KCNH4: variants seen among roughly 807,000 people sequenced by gnomAD.
The protein encoded by KCNH4 is voltage-gated delayed rectifier potassium channel KCNH4.
In KCNH4, 33 loss-of-function variants were observed where a neutral mutation model predicts 90.7. The observed-to-expected ratio is 0.36, with a 90% CI of 0.28 to 0.49. The LOEUF (loss-of-function observed/expected upper bound fraction) is 0.49. Ranked by LOEUF, KCNH4 falls within the 20% of genes least tolerant of loss-of-function variation. The pLI, the probability that KCNH4 is intolerant of heterozygous loss-of-function variation, is 0.98. For missense variants in KCNH4, 1,044 were observed against 1,387.1 expected (o/e 0.75, Z 3.93); for synonymous variants, 551 against 581.7 (o/e 0.95, Z 0.76).
chr17:42,166,699 T>C (rs1161016617), intron 9 of KCNH4, among the ~76,000 whole-genome samples, 153 bp from the exon 10 acceptor site: 1 of 152,148 alleles, frequency 6.6e-6, no homozygotes, highest in African/African-American at 2.4e-5. Flanking sequence ...GTGTCTAACC[T>C]CAATTTTGCT....
chr17:42,159,797 C>A lies in KCNH4; in HGVS notation c.*243G>T. 2.6e-6 allele frequency: 1 copy of A among 388,758 alleles called. No homozygotes were observed. Among genetic ancestry groups the A allele is most frequent in the Non-Finnish European group, 4.6e-6 (1 of 218,788 alleles). The allele number at this position is 388,758 out of a possible 1,614,324, so 24.1% of individuals were successfully genotyped here. Reference sequence around the variant, plus strand: ...CAGCCCAATGGGCACTGCGGTTCATCTCATGCCTGCTGGGTTCCACAGCCC... The same window carrying A: ...CAGCCCAATGGGCACTGCGGTTCATATCATGCCTGCTGGGTTCCACAGCCC... On this transcript the variant is annotated 3_prime_UTR_variant, in exon 16 of 17. Coordinates refer to ENST00000264661, the MANE Select transcript of KCNH4 (RefSeq NM_012285.3).
rs2079759903 is a variant in KCNH4, at chr17:42,163,094, TG to T, written c.2584+133del. On this transcript the variant is annotated intron_variant, in intron 14 of 16. Transcript: ENST00000264661. This position sits in a 1 kb window ranked among gnomAD's most constrained non-coding sequence, Gnocchi z 5.4. ...CCCTGCTAGACTTACTCCAAGAGCG[TG>T]GGCCAGGTCTGTTTTATCTGTGTAT... is the stretch of plus-strand genomic sequence containing the variant. 2 of 681,676 alleles carry T rather than the reference TG, an allele frequency of 2.9e-6. No individual in the cohort carries two copies. The highest frequency in any genetic ancestry group is 3.5e-5 in the African/African-American group (2 of 56,446). The allele number at this position is 681,676 out of a possible 1,614,324, so 42.2% of individuals were successfully genotyped here. A position where few individuals can be genotyped will look rare whatever the true frequency, so the allele number is the denominator to read the frequency against.
In KCNH4 at chr17:42,179,041, G is replaced by A. The variant is rs778472470; in HGVS notation, c.77-15C>T. The A allele has an allele frequency of 4.1e-5, 65 of 1,604,184 alleles. No homozygotes were observed. The Admixed American group carries it at 1.1e-3, about 26-fold the overall frequency. On this transcript the variant is annotated splice_polypyrimidine_tract_variant and intron_variant, in intron 1 of 16. Transcript: ENST00000264661. Reference sequence around the variant, plus strand: ...GAAGTTGCTGTCTGTGGGAAGAAGAGGTCAAGGTCAGGTCAAGGCTGGGAG... The same window carrying A: ...GAAGTTGCTGTCTGTGGGAAGAAGAAGTCAAGGTCAGGTCAAGGCTGGGAG...
Position 42,163,179 on chromosome 17 carries a change from G to GT in KCNH4, c.2584+48dup. On this transcript the variant is annotated intron_variant, in intron 14 of 16. Transcript: ENST00000264661. This position sits in a 1 kb window ranked among gnomAD's most constrained non-coding sequence, Gnocchi z 5.4. ...TACTACATATGGGATGGATGGACAGGTGGATGGGCAGATGGATGACGGGGT... is the reference window on the plus strand; with the variant it reads ...TACTACATATGGGATGGATGGACAGGTTGGATGGGCAGATGGATGACGGGGT... 7.9e-7 allele frequency: 1 copy of GT among 1,270,524 alleles called. No individual in the cohort carries two copies. Among genetic ancestry groups the GT allele is most frequent in the Non-Finnish European group, 1.2e-6 (1 of 866,980 alleles). The allele number at this position is 1,270,524 out of a possible 1,614,324, so 78.7% of individuals were successfully genotyped here. A position where few individuals can be genotyped will look rare whatever the true frequency, so the allele number is the denominator to read the frequency against.
chr17:42,168,856 C>G (rs2079806208), intron 9 of KCNH4, among the ~76,000 whole-genome samples: 1 of 151,548 alleles, frequency 6.6e-6, no homozygotes, highest in African/African-American at 2.4e-5. Flanking sequence ...ACTGCAAGCT[C>G]CGCCTCCCGG....
At chr17:42,169,432 G>A in intron 9 of KCNH4, 45 bp downstream of exon 9, 1 of 1,577,336 alleles carries the variant, frequency 6.3e-7, no homozygotes, top group Non-Finnish European at 8.7e-7. Flanking sequence ...CCCACTGCAG[G>A]GCCACGCGGA....
intron 6 of KCNH4, among the ~76,000 whole-genome samples, chr17:42,172,856 A>AC (rs1376570487): frequency 1.3e-5 from 2 of 151,136 alleles, no homozygotes; most frequent in East Asian, 1.9e-4. Flanking sequence ...TGTGATGGGG[A>AC]CCCCCCTTTA....
chr17:42,158,372 T>A (rs1320384741), intron 16 of KCNH4, among the ~76,000 whole-genome samples: 9 of 145,124 alleles, frequency 6.2e-5, no homozygotes, highest in African/African-American at 2.3e-4. Flanking sequence ...CTACTAAAGA[T>A]ACAAAAAAAT....
rs767119666 is a variant in KCNH4, at chr17:42,178,503, A to G, written c.311-26T>C. On this transcript the variant is annotated intron_variant, in intron 2 of 16. Transcript: ENST00000264661. The stretch of plus-strand genomic sequence containing the variant: ...CTGTAGGCATGGAGAGAGGGAAGGG[A>G]GGAGCATGGGCAGCCCCATGGCATG... 7.4e-6 allele frequency: 12 copies of G among 1,613,304 alleles called. No homozygotes were observed. The East Asian group carries it at 2.7e-4, about 36-fold the overall frequency.
chr17:42,172,394 G>A (rs1365623712), intron 6 of KCNH4, among the ~76,000 whole-genome samples: 22 of 151,802 alleles, frequency 1.4e-4, no homozygotes, highest in Admixed American at 1.4e-3. Flanking sequence ...GGATGGTCTC[G>A]ATCTCCTGAC....
Position 42,160,212 on chromosome 17 carries a change from C to A in KCNH4, c.2882G>T (p.Ser961Ile). Reference sequence around the variant, plus strand: ...AGTCCCTGTCTCCATGGTCCCCACACTGGCTGGGCAGTGAACTTCAGCAAG... The same window carrying A: ...AGTCCCTGTCTCCATGGTCCCCACAATGGCTGGGCAGTGAACTTCAGCAAG... ...TTLAEVHCPA[S>I]VGTMETGTAL... Residue 961 changes from serine (S) to isoleucine (I), a missense_variant, in exon 16 of 17, where the codon AGT (serine) becomes ATT (isoleucine). Transcript: ENST00000264661. 1.9e-6 allele frequency: 3 copies of A among 1,613,986 alleles called. No homozygotes were observed. Among genetic ancestry groups the A allele is most frequent in the Non-Finnish European group, 1.7e-6 (2 of 1,179,886 alleles).
intron 14 of KCNH4, 96 bp from the exon 15 acceptor site, chr17:42,162,417 CAGGGGGAG>C: frequency 9.9e-7 from 1 of 1,012,118 alleles, no homozygotes; most frequent in Non-Finnish European, 1.5e-6. Flanking sequence ...AGGCGGAGAG[CAGGGGGAG>C]ACAAAGCTCT....
At position 42,160,045 on chromosome 17, in the gene KCNH4, G is replaced by C. The variant is rs192357247; in HGVS notation, c.3049C>G (p.His1017Asp). The change falls in exon 16 of 17, where the codon CAC (histidine) becomes GAC (aspartate). Residue 1017 changes from histidine to aspartate, a missense_variant. By Grantham distance (81) the His-to-Asp change is moderately conservative (BLOSUM62 -1). Coordinates refer to ENST00000264661, the MANE Select transcript of KCNH4 (RefSeq NM_012285.3). Reference protein sequence around the residue: ...HSFQSRSDTFH With the variant: ...HSFQSRSDTFD ...GCCTGGGCCCTGGGCCAGGGTCAGTGGAACGTGTCTGACCTGGACTGGAAA... is the reference window on the plus strand; with the variant it reads ...GCCTGGGCCCTGGGCCAGGGTCAGTCGAACGTGTCTGACCTGGACTGGAAA... 1 of 1,519,398 alleles carries C rather than the reference G, an allele frequency of 6.6e-7. No individual in the cohort carries two copies. The highest frequency in any genetic ancestry group is 1.3e-5 in the South Asian group (1 of 76,032). The allele number at this position is 1,519,398 out of a possible 1,614,324, so 94.1% of individuals were successfully genotyped here.
chr17:42,178,921 A>T lies in KCNH4; in HGVS notation c.182T>A (p.Met61Lys). ...GAAACGGCAGCTGCAGGTCTTCTGC[A>T]TGACCTCGGTGCGACCGTAGCCTGT... ...ELTGYGRTEV[M>K]QKTCSCRFLY... Residue 61 changes from methionine (M) to lysine (K), a missense_variant, in exon 2 of 17, where the codon ATG becomes AAG. Physicochemically the swap from Met to Lys is moderately conservative, Grantham distance 95 (BLOSUM62 -1). Coordinates refer to ENST00000264661, the MANE Select transcript of KCNH4 (RefSeq NM_012285.3). 6.2e-7 allele frequency: 1 copy of T among 1,614,220 alleles called. No homozygotes were observed.
chr17:42,157,981 A>C lies in KCNH4; in HGVS notation c.*310-863T>G, dbSNP rs141222220. Among the ~76,000 whole-genome samples the C allele has an allele frequency of 3.4e-3, 516 of 151,846 alleles. 4 individuals are homozygous for C. The highest frequency in any genetic ancestry group is 0.012 in the African/African-American group (495 of 41,410). ...TTCACTCTTATTGCCCAGACTTGAG[A>C]GCAATGGCACGATCTCGGCTCACTG... On this transcript the variant is annotated intron_variant, in intron 16 of 16. Transcript: ENST00000264661.
rs759788220 is a variant in KCNH4 at position 42,163,900 on chromosome 17, G to T, written c.2183C>A (p.Ala728Asp). Residue 728 changes from alanine (A) to aspartate (D), a missense_variant, in exon 13 of 17, where the codon GCC (alanine) becomes GAC (aspartate). Transcript: ENST00000264661. This position sits in a 1 kb window ranked among gnomAD's most constrained non-coding sequence, Gnocchi z 5.4. ...SDKTLPSITE[A>D]ESGAEPGGGP... ...ACCCCCAGGCTCCGCGCCACTCTCG[G>T]CCTCTGTGATGGATGGCAGCGTCTT... 1 of 1,546,610 alleles carries T rather than the reference G, an allele frequency of 6.5e-7. No homozygotes were observed. Among genetic ancestry groups the T allele is most frequent in the South Asian group, 1.2e-5 (1 of 83,728 alleles).
At position 42,164,113 on chromosome 17, in the gene KCNH4, C is replaced by T. The variant is rs1413434556; in HGVS notation, c.2124+17G>A. On this transcript the variant is annotated intron_variant, in intron 12 of 16. Coordinates refer to ENST00000264661, the MANE Select transcript of KCNH4 (RefSeq NM_012285.3). Reference sequence around the variant, plus strand: ...CTCCCCAGGGCAATTCAACCCCACCCAGGAAGTGGGTGTTACCTGGGAGAG... The same window carrying T: ...CTCCCCAGGGCAATTCAACCCCACCTAGGAAGTGGGTGTTACCTGGGAGAG... 6.5e-7 allele frequency: 1 copy of T among 1,550,182 alleles called. No individual in the cohort carries two copies. The highest frequency in any genetic ancestry group is 2.4e-5 in the East Asian group (1 of 41,016).
intron 4 of KCNH4, among the ~76,000 whole-genome samples, chr17:42,177,824 G>A (rs1380262633): frequency 6.6e-6 from 1 of 152,200 alleles, no homozygotes; most frequent in Non-Finnish European, 1.5e-5. Context: ...TCACCCCCGG[G>A]CAGGTGAGGT....
In KCNH4 at chr17:42,160,138, GC is replaced by G. The variant is rs1340271071; in HGVS notation, c.2955del (p.Glu985AspfsTer21). 6.2e-7 allele frequency: 1 copy of G among 1,609,990 alleles called. No homozygotes were observed. Among genetic ancestry groups the G allele is most frequent in the Non-Finnish European group, 8.5e-7 (1 of 1,177,618 alleles). The part of the protein sequence containing the change: ...RPSILPPYPS[E>X]PDPLGPSPVP... ...ACTGGAGAGGGTCCCAGAGGGTCAG[GC>G]TCTGAGGGGTAGGGGGGCAATATGG... On this transcript the variant is annotated frameshift_variant, in exon 16 of 17. Coordinates refer to ENST00000264661, the MANE Select transcript of KCNH4 (RefSeq NM_012285.3). LOFTEE classifies it low-confidence loss of function (END_TRUNC).
Sources: allele counts gnomAD v4.1 joint callset (sites outside exome capture counted in the v4.1 genomes callset), GRCh38; gene constraint gnomAD v4.1.1; non-coding constraint Gnocchi (gnomAD v3.1); transcripts MANE v1.5; gene names NCBI Gene and HGNC (gene_info 2026-07-23, HGNC 2026-07-21).